PPP2R2B: variants seen among roughly 807,000 people sequenced by gnomAD.
PPP2R2B encodes serine/threonine-protein phosphatase 2A 55 kDa regulatory subunit B beta isoform.
PPP2R2B carries 5 observed loss-of-function variants against 46.0 expected under a neutral mutation model. The ratio of observed to expected loss-of-function variants is 0.11; its 90% CI spans 0.06 to 0.23. The LOEUF (loss-of-function observed/expected upper bound fraction) is 0.23, where lower values mean the gene tolerates loss of function less well. PPP2R2B is among the 10% of genes least tolerant of loss of function. The pLI, the probability that PPP2R2B is intolerant of heterozygous loss-of-function variation, is 1.00. For synonymous variants in PPP2R2B, 215 were observed against 206.7 expected, an observed-to-expected ratio of 1.04 and a Z score of -0.34; for missense variants, 367 against 575.0, an observed-to-expected ratio of 0.64 and a Z score of 3.70.
At chr5:146,846,247 T>G (rs1442816900) in intron 2 of PPP2R2B, among the ~76,000 whole-genome samples, 2 of 150,828 alleles carry the variant, frequency 1.3e-5, no homozygotes, top group East Asian at 3.9e-4. Context: ...GGCATGGTGG[T>G]GTGCACCTGT....
At chr5:146,922,841 G>A (rs768203273) in intron 1 of PPP2R2B, among the ~76,000 whole-genome samples, 1 of 152,044 alleles carries the variant, frequency 6.6e-6, no homozygotes, top group Non-Finnish European at 1.5e-5. Context: ...TGTTTGCTGG[G>A]GCTTCTGGGA....
chr5:146,886,287 C>T (rs1418260877), intron 1 of PPP2R2B, among the ~76,000 whole-genome samples: 4 of 151,396 alleles, frequency 2.6e-5, no homozygotes, highest in Non-Finnish European at 5.9e-5. Context: ...TGCAGTGAGC[C>T]GAGACTGCGC....
intron 2 of PPP2R2B, among the ~76,000 whole-genome samples, chr5:146,745,233 T>C (rs972179438): frequency 6.7e-6 from 1 of 149,184 alleles, no homozygotes; most frequent in Non-Finnish European, 1.5e-5. Flanking sequence ...TGGAATGATG[T>C]GAAGAACACT....
intron 7 of PPP2R2B, among the ~76,000 whole-genome samples, chr5:146,609,295 G>T (rs1561768578): frequency 6.6e-6 from 1 of 152,190 alleles, no homozygotes; most frequent in African/African-American, 2.4e-5. Flanking sequence ...TTTGGAACAC[G>T]ACAAAGATGC....
intron 7 of PPP2R2B, among the ~76,000 whole-genome samples, chr5:146,628,564 C>T (rs1278237667): frequency 6.6e-6 from 1 of 152,170 alleles, no homozygotes; most frequent in Non-Finnish European, 1.5e-5. Context: ...TTCTGCAATT[C>T]CCCAGCACTA....
chr5:147,019,343 A>G (rs920157577), intron 1 of PPP2R2B, among the ~76,000 whole-genome samples: 1 of 152,174 alleles, frequency 6.6e-6, no homozygotes. Context: ...ATTCAGAATA[A>G]ATTGTTACTT....
At chr5:146,996,896 C>G (rs1291727770) in intron 1 of PPP2R2B, among the ~76,000 whole-genome samples, 1 of 152,116 alleles carries the variant, frequency 6.6e-6, no homozygotes, top group Non-Finnish European at 1.5e-5. Context: ...TCCCCAGTTT[C>G]TCTCTCCCTC....
chr5:146,632,294 T>C (rs1774495639), intron 7 of PPP2R2B, among the ~76,000 whole-genome samples: 1 of 152,142 alleles, frequency 6.6e-6, no homozygotes. Flanking sequence ...AGGAGAGCAG[T>C]GTGGAACTGA....
At chr5:146,808,518 A>C (rs1561923517) in intron 2 of PPP2R2B, among the ~76,000 whole-genome samples, 1 of 152,196 alleles carries the variant, frequency 6.6e-6, no homozygotes. Flanking sequence ...AAGAGGTAAG[A>C]GGCTGTCTGG....
intron 1 of PPP2R2B, among the ~76,000 whole-genome samples, chr5:146,932,883 TC>T (rs2151823166): frequency 6.6e-6 from 1 of 152,284 alleles, no homozygotes; most frequent in East Asian, 1.9e-4. Context: ...CAAGAAGACT[TC>T]CTTGAGCAAG....
chr5:146,796,068 T>C (rs1756515421), intron 2 of PPP2R2B, among the ~76,000 whole-genome samples: 1 of 152,192 alleles, frequency 6.6e-6, no homozygotes, highest in African/African-American at 2.4e-5. Context: ...TCTTCCACTG[T>C]AGGCATTCAG....
At chr5:147,066,399 A>G (rs1313398562) in intron 2 of PPP2R2B, among the ~76,000 whole-genome samples, 1 of 152,200 alleles carries the variant, frequency 6.6e-6, no homozygotes, top group African/African-American at 2.4e-5. Flanking sequence ...TTCAATTATT[A>G]TCCCTATGTT....
chr5:146,793,598 G>C (rs1160954279), intron 2 of PPP2R2B, among the ~76,000 whole-genome samples: 2 of 152,136 alleles, frequency 1.3e-5, no homozygotes, highest in East Asian at 3.8e-4. Flanking sequence ...GCTTGGCCAA[G>C]AGCATATATG....
At chr5:146,725,144 A>T (rs1467216606) in intron 2 of PPP2R2B, among the ~76,000 whole-genome samples, 2 of 152,176 alleles carry the variant, frequency 1.3e-5, no homozygotes, top group Non-Finnish European at 2.9e-5. Context: ...TTCCTCACTT[A>T]GTCATGCCTG....
intron 5 of PPP2R2B, among the ~76,000 whole-genome samples, chr5:146,653,844 C>CG (rs1301672233): frequency 2.0e-5 from 3 of 152,014 alleles, no homozygotes; most frequent in Admixed American, 6.6e-5. Flanking sequence ...TCAGATAAGA[C>CG]AGGGGGGATG....
At chr5:146,670,971 G>A (rs1777324691) in intron 5 of PPP2R2B, among the ~76,000 whole-genome samples, 1 of 152,130 alleles carries the variant, frequency 6.6e-6, no homozygotes, top group Admixed American at 6.5e-5. Flanking sequence ...AGAGTCATCT[G>A]AAAAGACAGA....
chr5:147,080,225 A>G (rs1158078721), intron 2 of PPP2R2B, among the ~76,000 whole-genome samples: 5 of 152,212 alleles, frequency 3.3e-5, no homozygotes, highest in Non-Finnish European at 5.9e-5. Context: ...TAGTTTGAGT[A>G]TAGTGTTCAA....
At chr5:147,032,226 A>G (rs944915903) in intron 1 of PPP2R2B, among the ~76,000 whole-genome samples, 3 of 152,206 alleles carry the variant, frequency 2.0e-5, no homozygotes, top group African/African-American at 7.2e-5. Context: ...CCCATCAAAA[A>G]GTGGGCTAAG....
chr5:146,620,314 C>G (rs139800758), intron 7 of PPP2R2B, among the ~76,000 whole-genome samples: 2 of 152,276 alleles, frequency 1.3e-5, no homozygotes, highest in Admixed American at 6.5e-5. Context: ...GTTTGTCTTT[C>G]TTTTGTGAGG....
Sources: allele counts gnomAD v4.1 joint callset (sites outside exome capture counted in the v4.1 genomes callset), GRCh38; gene constraint gnomAD v4.1.1; transcripts MANE v1.5; gene names NCBI Gene and HGNC (gene_info 2026-07-23, HGNC 2026-07-21).